ASIP: variants seen among roughly 807,000 people sequenced by gnomAD.
The protein encoded by ASIP is agouti signaling protein.
ASIP carries 11 observed loss-of-function variants against 10.3 expected under a neutral mutation model. That is an observed-to-expected ratio of 1.07 (90% CI 0.68 to 1.78). The LOEUF (loss-of-function observed/expected upper bound fraction) is 1.78, where lower values mean the gene tolerates loss of function less well. Ranked by LOEUF, ASIP falls within the 40% of genes most tolerant of loss-of-function variation. The pLI is 0.00. For missense variants in ASIP, 180 were observed against 169.2 expected, an observed-to-expected ratio of 1.06 and a Z score of -0.35; for synonymous variants, 70 against 70.8, an observed-to-expected ratio of 0.99 and a Z score of 0.06.
At chr20:34,215,040 ATCT>A (rs2034998376) in intron 1 of ASIP, 6 of 1,492,990 alleles carry the variant, frequency 4.0e-6, no homozygotes, top group Admixed American at 1.7e-5. Context: ...AGAAGTCAAC[ATCT>A]TCTTCCTGGT....
intron 2 of ASIP, among the ~76,000 whole-genome samples, chr20:34,262,216 T>C (rs1357338869): frequency 6.6e-6 from 1 of 152,182 alleles, no homozygotes; most frequent in Non-Finnish European, 1.5e-5. Context: ...TGTAACAGAC[T>C]TTTCACTTTA....
chr20:34,205,279 G>A (rs997523429), intron 1 of ASIP, among the ~76,000 whole-genome samples: 2 of 152,176 alleles, frequency 1.3e-5, no homozygotes, highest in African/African-American at 2.4e-5. Flanking sequence ...AGCTCTTAAA[G>A]GCATCACGTC....
intron 1 of ASIP, chr20:34,213,400 C>CGCCG: frequency 1.5e-6 from 1 of 689,570 alleles, no homozygotes; most frequent in Non-Finnish European, 2.4e-6. Context: ...TGGAGTGTTG[C>CGCCG]TATAACCAAC....
intron 1 of ASIP, chr20:34,214,225 G>A (rs2034992822): frequency 4.4e-6 from 6 of 1,369,090 alleles, no homozygotes; most frequent in South Asian, 3.5e-5. Context: ...CTAGAAAACA[G>A]GTAAGCCATC....
At chr20:34,201,961 A>T in intron 1 of ASIP, among the ~76,000 whole-genome samples, 1 of 152,208 alleles carries the variant, frequency 6.6e-6, no homozygotes, top group East Asian at 1.9e-4. Flanking sequence ...AATTCACATA[A>T]TCTGAACTTT....
At chr20:34,223,237 G>A (rs994992500) in intron 1 of ASIP, among the ~76,000 whole-genome samples, 3 of 149,928 alleles carry the variant, frequency 2.0e-5, no homozygotes, top group East Asian at 4.0e-4. Context: ...GTCTCTGCCC[G>A]GCCGCCCATC....
chr20:34,236,001 A>AGGGAAGCAG (rs1253289469), intron 1 of ASIP, among the ~76,000 whole-genome samples: 6 of 102,520 alleles, frequency 5.9e-5, no homozygotes, highest in African/African-American at 4.1e-4. Flanking sequence ...GGAAGGAAGG[A>AGGGAAGCAG]GAAAGAGAGA....
chr20:34,260,249 A>T, intron 1 of ASIP, 116 bp from the exon 2 acceptor site: 1 of 1,044,798 alleles, frequency 9.6e-7, no homozygotes, highest in Non-Finnish European at 1.4e-6. Flanking sequence ...CAGCTCCACC[A>T]GGACACTTGC....
In ASIP at chr20:34,260,551, C is replaced by G. The variant is rs184672797; in HGVS notation, c.160+17C>G. ...CTATTGTGGGTAAGTCACCTAGCCT[C>G]TGGGCTCTGGCCCAGGAGAGGGGCT... On this transcript the variant is annotated intron_variant, in intron 2 of 3. Transcript: ENST00000374954. The G allele has an allele frequency of 8.3e-4, 1,327 of 1,594,192 alleles. 10 individuals carry two copies. In the African/African-American group the frequency reaches 0.015, roughly 18 times the overall value.
At chr20:34,268,336 G>A (rs539078129) in intron 3 of ASIP, among the ~76,000 whole-genome samples, 132 of 152,258 alleles carry the variant, frequency 8.7e-4, no homozygotes, top group Non-Finnish European at 1.6e-3. Context: ...GCACAGCGGG[G>A]CAGCGAAGTT....
chr20:34,204,332 T>C (rs1008503342), intron 1 of ASIP, among the ~76,000 whole-genome samples: 1 of 151,958 alleles, frequency 6.6e-6, no homozygotes, highest in African/African-American at 2.4e-5. Flanking sequence ...GCGATTCTCC[T>C]GCCTCAGCCT....
At chr20:34,192,330 CTCTT>C (rs1450357452), upstream of ASIP, among the ~76,000 whole-genome samples, 1 of 152,150 alleles carries the variant, frequency 6.6e-6, no homozygotes, top group African/African-American at 2.4e-5. Context: ...TGCTCCTGGC[CTCTT>C]TCTTTTTTGA....
intron 1 of ASIP, among the ~76,000 whole-genome samples, chr20:34,258,447 G>A (rs1449026038): frequency 6.7e-6 from 1 of 149,630 alleles, no homozygotes; most frequent in Non-Finnish European, 1.5e-5. Flanking sequence ...AATAAGTACT[G>A]TAGTCACTCA....
chr20:34,195,954 CTTT>C (rs1440858682), intron 1 of ASIP, among the ~76,000 whole-genome samples: 2 of 152,054 alleles, frequency 1.3e-5, no homozygotes, highest in East Asian at 3.9e-4. Flanking sequence ...GTTTCTGCTT[CTTT>C]GAGACAGCCT....
At chr20:34,192,655 T>C (rs2034831755), upstream of ASIP, among the ~76,000 whole-genome samples, 2 of 152,072 alleles carry the variant, frequency 1.3e-5, no homozygotes, top group African/African-American at 4.8e-5. Flanking sequence ...TGGCAGACAC[T>C]ACAGAAAATC....
chr20:34,213,290 T>A (rs2034986115), intron 1 of ASIP, among the ~76,000 whole-genome samples: 1 of 152,210 alleles, frequency 6.6e-6, no homozygotes, highest in South Asian at 2.1e-4. Context: ...CCTCCAGAAC[T>A]GTGAACCAAT....
the ASIP span, among the ~76,000 whole-genome samples, chr20:34,189,545 C>T: frequency 1.3e-5 from 2 of 152,240 alleles, no homozygotes; most frequent in South Asian, 4.2e-4. Flanking sequence ...CCTGGCCCTG[C>T]TCCCCCTAAG....
rs766471312 is a variant in ASIP at position 34,268,987 on chromosome 20, G to A, written c.223-4G>A. 9.4e-6 allele frequency: 15 copies of A among 1,600,484 alleles called. No homozygotes were observed. In the Admixed American group the frequency reaches 1.7e-4, roughly 18 times the overall value. On this transcript the variant is annotated splice_region_variant and splice_polypyrimidine_tract_variant and intron_variant, in intron 3 of 3. Transcript: ENST00000374954. The stretch of plus-strand genomic sequence containing the variant: ...CTCATAAAGCCCCGGCGTTTCCCAC[G>A]CAGAAGGAGGCTTCGATGAAGAAAG...
rs2035192534 is a variant in ASIP at position 34,235,897 on chromosome 20, G to GC, written c.-10-24468_-10-24467insC. 1.1e-4 allele frequency among the ~76,000 whole-genome samples: 7 copies of GC among 65,006 alleles called. No homozygotes were observed. In the African/African-American group the frequency reaches 1.1e-3, roughly 10 times the overall value. 42.6% of individuals were successfully genotyped at this position (65,006 alleles called of 152,430 possible). ...AGGAAGGAAGGAAGGAAGGAAGGAA[G>GC]GAAAGGAAGGAAGGAAGGAAGGAAG... On this transcript the variant is annotated intron_variant, in intron 1 of 3. Coordinates refer to the ASIP transcript ENST00000568305.
Sources: gnomAD v4.1 joint callset for allele counts (sites outside exome capture counted in the v4.1 genomes callset) on GRCh38, gnomAD v4.1.1 for gene constraint, MANE v1.5 for transcripts, NCBI Gene and HGNC (gene_info 2026-07-23, HGNC 2026-07-21) for gene names.